The following PTPN4 variants were observed in gnomAD, a reference collection of about 807,000 sequenced individuals.
PTPN4 encodes the protein protein tyrosine phosphatase non-receptor type 4, also known as tyrosine-protein phosphatase non-receptor type 4.
PTPN4 carries 49 observed loss-of-function variants against 135.5 expected under a neutral mutation model. The ratio of observed to expected loss-of-function variants is 0.36; its 90% CI spans 0.29 to 0.46. The LOEUF (loss-of-function observed/expected upper bound fraction) is 0.46, where lower values mean the gene tolerates loss of function less well. Ranked by LOEUF, PTPN4 falls within the 20% of genes least tolerant of loss-of-function variation. PTPN4 has a pLI of 1.00. For synonymous variants in PTPN4, 333 were observed against 369.9 expected (o/e 0.90, Z 1.14); for missense variants, 860 against 1,101.0 (o/e 0.78, Z 3.10).
chr2:119,920,894 A>T, intron 12 of PTPN4, among the ~76,000 whole-genome samples: 1 of 152,212 alleles, frequency 6.6e-6, no homozygotes, highest in East Asian at 1.9e-4. Context: ...GGTAAGAATC[A>T]TGTAGAAAGT....
At position 119,945,220 on chromosome 2, in the gene PTPN4, T is replaced by TCTTCTCCTGAAAAACCCA. The variant is rs766519463; in HGVS notation, c.1498_1515dup (p.Ser500_Thr505dup). ...TATTAATGAAACATTTGATATTCCA[T>TCTTCTCCTGAAAAACCCA]CTTCTCCTGAAAAACCCACTGTAAG... On this transcript the variant is annotated inframe_insertion, in exon 16 of 27. Coordinates refer to ENST00000263708, the MANE Select transcript of PTPN4 (RefSeq NM_002830.4). 1.3e-6 allele frequency: 2 copies of TCTTCTCCTGAAAAACCCA among 1,579,754 alleles called. No individual in the cohort carries two copies. Among genetic ancestry groups the TCTTCTCCTGAAAAACCCA allele is most frequent in the African/African-American group, 2.7e-5 (2 of 72,850 alleles).
At chr2:119,761,838 A>G (rs1469172936) in intron 1 of PTPN4, among the ~76,000 whole-genome samples, 1 of 152,228 alleles carries the variant, frequency 6.6e-6, no homozygotes, top group Non-Finnish European at 1.5e-5. Context: ...TTTTAAAAAT[A>G]TTAATTGAGT....
intron 10 of PTPN4, among the ~76,000 whole-genome samples, chr2:119,910,709 A>G (rs1181648866): frequency 2.0e-5 from 3 of 151,998 alleles, no homozygotes; most frequent in Non-Finnish European, 4.4e-5. Context: ...ATCATCTGGC[A>G]TTTCCCCTGC....
intron 10 of PTPN4, among the ~76,000 whole-genome samples, chr2:119,908,916 G>T (rs1678528052): frequency 6.6e-6 from 1 of 152,142 alleles, no homozygotes; most frequent in African/African-American, 2.4e-5. Flanking sequence ...TAGTGGTGTG[G>T]ATACATGAAA....
chr2:119,876,988 ATATAGT>A (rs1677994065), intron 3 of PTPN4, among the ~76,000 whole-genome samples: 1 of 151,880 alleles, frequency 6.6e-6, no homozygotes, highest in Middle Eastern at 3.2e-3. Flanking sequence ...CTTTTAAGAA[ATATAGT>A]TAGATTAATG....
chr2:119,939,918 T>C (rs1476567055), intron 15 of PTPN4, among the ~76,000 whole-genome samples: 5 of 152,216 alleles, frequency 3.3e-5, no homozygotes, highest in Non-Finnish European at 7.3e-5. Flanking sequence ...TATCAAGCCA[T>C]GGGGACTTAG....
intron 26 of PTPN4, among the ~76,000 whole-genome samples, chr2:119,974,721 A>G (rs1250120035): frequency 6.6e-6 from 1 of 152,154 alleles, no homozygotes; most frequent in Non-Finnish European, 1.5e-5. Flanking sequence ...TTATTGAGAA[A>G]CTATTTTAGG....
chr2:119,968,741 G>A (rs1342321057), intron 26 of PTPN4, among the ~76,000 whole-genome samples: 2 of 152,098 alleles, frequency 1.3e-5, no homozygotes, highest in East Asian at 1.9e-4. Context: ...GCAGTGAGCC[G>A]AGATTGCGCC....
chr2:119,780,912 A>G (rs914510065), intron 1 of PTPN4, among the ~76,000 whole-genome samples: 1 of 152,100 alleles, frequency 6.6e-6, no homozygotes, highest in African/African-American at 2.4e-5. Flanking sequence ...GTAAAATGGC[A>G]TTTTTCTATT....
chr2:119,897,021 A>G lies in PTPN4; in HGVS notation c.676-3697A>G, dbSNP rs755438196. Among the ~76,000 whole-genome samples, 178 of 152,236 alleles carry G rather than the reference A, an allele frequency of 1.2e-3. 3 individuals are homozygous for G. Among genetic ancestry groups the G allele is most frequent in the Admixed American group, 5.2e-4 (8 of 15,292 alleles). ...CTGCAACCTTCGCCTCCTGGGTTCA[A>G]GTGATTCTCCCACCTCAGCCTCTTA... On this transcript the variant is annotated intron_variant, in intron 9 of 26. Transcript: ENST00000263708.
intron 1 of PTPN4, among the ~76,000 whole-genome samples, chr2:119,796,259 A>G (rs4511733): frequency 1.3e-5 from 2 of 152,204 alleles, no homozygotes; most frequent in African/African-American, 4.8e-5. Flanking sequence ...TGACATATGT[A>G]TACATCCATT....
At chr2:119,921,875 G>A (rs1018436355) in intron 12 of PTPN4, among the ~76,000 whole-genome samples, 1 of 151,682 alleles carries the variant, frequency 6.6e-6, no homozygotes, top group Non-Finnish European at 1.5e-5. Flanking sequence ...TGGTTACCAG[G>A]GTAGTTATAC....
At chr2:119,822,241 C>G (rs1677078587) in intron 2 of PTPN4, among the ~76,000 whole-genome samples, 1 of 151,958 alleles carries the variant, frequency 6.6e-6, no homozygotes, top group Non-Finnish European at 1.5e-5. Flanking sequence ...ATGTTTGAGC[C>G]TTTCTGTATA....
Position 119,977,749 on chromosome 2 carries a change from G to T in PTPN4, c.*679G>T, listed in dbSNP as rs1679638885. ...TAATGTAACTTATATTTATCATAAG[G>T]TTGGCTTATTCCAAATCATGTGATT... On this transcript the variant is annotated 3_prime_UTR_variant, in exon 27 of 27. Coordinates refer to ENST00000263708, the MANE Select transcript of PTPN4 (RefSeq NM_002830.4). 6.6e-6 allele frequency: 1 copy of T among 152,054 alleles called. No homozygotes were observed. Among genetic ancestry groups the T allele is most frequent in the African/African-American group, 2.4e-5 (1 of 41,364 alleles). 9.4% of individuals were successfully genotyped at this position (152,054 alleles called of 1,614,324 possible). A position where few individuals can be genotyped will look rare whatever the true frequency, so the allele number is the denominator to read the frequency against.
intron 15 of PTPN4, among the ~76,000 whole-genome samples, chr2:119,942,820 C>A (rs1019572748): frequency 6.6e-6 from 1 of 152,136 alleles, no homozygotes. Flanking sequence ...CTATTCTAAT[C>A]CATGGAAACA....
chr2:119,870,811 AC>A (rs1221669228), intron 3 of PTPN4, among the ~76,000 whole-genome samples: 3 of 152,148 alleles, frequency 2.0e-5, no homozygotes, highest in Admixed American at 6.5e-5. Context: ...TAAATGTAAA[AC>A]AATAGTATAG....
At chr2:119,955,559 T>C (rs988256618) in intron 20 of PTPN4, among the ~76,000 whole-genome samples, 11 of 152,210 alleles carry the variant, frequency 7.2e-5, no homozygotes, top group Non-Finnish European at 1.3e-4. Flanking sequence ...TTTATACATA[T>C]GTCATCAAAC....
intron 1 of PTPN4, among the ~76,000 whole-genome samples, chr2:119,793,230 T>G (rs1211425075): frequency 6.6e-6 from 1 of 152,208 alleles, no homozygotes; most frequent in Non-Finnish European, 1.5e-5. Context: ...TGGGAATGCA[T>G]TCTTTCCCCA....
intron 2 of PTPN4, among the ~76,000 whole-genome samples, chr2:119,841,413 C>T (rs561194817): frequency 7.2e-5 from 11 of 152,206 alleles, no homozygotes; most frequent in Admixed American, 2.0e-4. Context: ...TGGAATACTT[C>T]CTGCTTTCTG....
Sources: allele counts gnomAD v4.1 joint callset (sites outside exome capture counted in the v4.1 genomes callset), GRCh38; gene constraint gnomAD v4.1.1; transcripts MANE v1.5; gene names NCBI Gene and HGNC (gene_info 2026-07-23, HGNC 2026-07-21).